The following TTC13 variants were observed in gnomAD, a reference collection of about 807,000 sequenced individuals.
The protein encoded by TTC13 is tetratricopeptide repeat domain 13.
TTC13 carries 62 observed loss-of-function variants against 120.0 expected under a neutral mutation model. That is an observed-to-expected ratio of 0.52 (90% CI 0.42 to 0.64). The LOEUF is 0.64. Ranked by LOEUF, TTC13 falls within the 30% of genes least tolerant of loss-of-function variation. TTC13 has a pLI of 0.00. For missense variants in TTC13, 824 were observed against 1,050.2 expected (o/e 0.78, Z 2.98); for synonymous variants, 384 against 393.5 (o/e 0.98, Z 0.28).
intron 20 of TTC13, among the ~76,000 whole-genome samples, chr1:230,909,743 T>G (rs576623148): frequency 1.3e-5 from 2 of 152,240 alleles, no homozygotes; most frequent in African/African-American, 2.4e-5. Context: ...GTTTGGAGAT[T>G]TGGGCATGTG....
chr1:230,953,817 C>A (rs1302502928), intron 4 of TTC13, among the ~76,000 whole-genome samples: 1 of 152,156 alleles, frequency 6.6e-6, no homozygotes, highest in Non-Finnish European at 1.5e-5. Context: ...GACTTTAGTG[C>A]AGCCACCAAT....
At chr1:230,957,836 TA>T (rs1241754934) in intron 3 of TTC13, among the ~76,000 whole-genome samples, 1 of 70,394 alleles carries the variant, frequency 1.4e-5, no homozygotes, top group Non-Finnish European at 3.2e-5. Context: ...TAAAATAACT[TA>T]AAGTTTAAGT....
At chr1:230,961,165 G>A in intron 2 of TTC13, 44 bp downstream of exon 2, 1 of 1,518,836 alleles carries the variant, frequency 6.6e-7, no homozygotes, top group South Asian at 1.2e-5. Context: ...TAGTATCACT[G>A]GGCTTCAGGT....
At chr1:230,941,777 G>C (rs948298570) in intron 6 of TTC13, among the ~76,000 whole-genome samples, 1 of 152,146 alleles carries the variant, frequency 6.6e-6, no homozygotes, top group Admixed American at 6.5e-5. Flanking sequence ...AAAGCACAGT[G>C]GGCTGGGGTT....
chr1:230,906,484 T>C lies in TTC13; in HGVS notation c.*421A>G, dbSNP rs937879781. On this transcript the variant is annotated 3_prime_UTR_variant, in exon 23 of 23. Coordinates refer to ENST00000366661, the MANE Select transcript of TTC13 (RefSeq NM_024525.5). ...GGAGGTTACGTGAGTCAACAAAAGA[T>C]GCTCTATCACAATGTGCGTAAAAAG... The C allele has an allele frequency of 6.6e-6, 1 of 152,506 alleles. No individual in the cohort carries two copies. Among genetic ancestry groups the C allele is most frequent in the Non-Finnish European group, 1.5e-5 (1 of 68,212 alleles). 9.4% of individuals were successfully genotyped at this position (152,506 alleles called of 1,614,324 possible). A position where few individuals can be genotyped will look rare whatever the true frequency, so the allele number is the denominator to read the frequency against.
Position 230,939,402 on chromosome 1 carries a change from T to C in TTC13, c.884A>G (p.His295Arg), listed in dbSNP as rs1300559420. 1 of 1,609,976 alleles carries C rather than the reference T, an allele frequency of 6.2e-7. No homozygotes were observed. The highest frequency in any genetic ancestry group is 1.3e-5 in the African/African-American group (1 of 74,872). The change falls in exon 8 of 23, where the codon CAC (histidine) becomes CGC (arginine). Residue 295 changes from histidine to arginine, a missense_variant. This residue lies in a region of TTC13 where 430 missense variants were observed against 626.8 expected (regional missense o/e 0.69). Coordinates refer to ENST00000366661, the MANE Select transcript of TTC13 (RefSeq NM_024525.5). ...AMLYKGLTFF[H>R]RGLLKEAIES... ...CACTTTCACCTTCAGAAGTCCTCTG[T>C]GAAAGAAAGTTAAACCTTTGTATAG...
In TTC13 at chr1:230,939,385, C is replaced by T. The variant is rs1674351515; in HGVS notation, c.900+1G>A. ...GGTACACATATGCACAACACTTTCA[C>T]CTTCAGAAGTCCTCTGTGAAAGAAA... is the stretch of plus-strand genomic sequence containing the variant. On this transcript the variant is annotated splice_donor_variant, in intron 8 of 22. Coordinates refer to ENST00000366661, the MANE Select transcript of TTC13 (RefSeq NM_024525.5). LOFTEE classifies it high-confidence loss of function. The T allele has an allele frequency of 6.3e-7, 1 of 1,598,456 alleles. No homozygotes were observed. Among genetic ancestry groups the T allele is most frequent in the Non-Finnish European group, 8.6e-7 (1 of 1,167,596 alleles).
In TTC13 at chr1:230,931,738, T is replaced by G. The variant is rs1321141255; in HGVS notation, c.1123A>C (p.Lys375Gln). 3 of 1,613,828 alleles carry G rather than the reference T, an allele frequency of 1.9e-6. No individual in the cohort carries two copies. Among genetic ancestry groups the G allele is most frequent in the Non-Finnish European group, 2.5e-6 (3 of 1,179,952 alleles). Residue 375 changes from lysine to glutamine, a missense_variant and splice_region_variant, in exon 10 of 23, where the codon AAG becomes CAG. By Grantham distance (53) the Lys-to-Gln change is moderately conservative. Transcript: ENST00000366661. The part of the protein sequence containing the change: ...GSLQEALKNF[K>Q]RCLQLEPYNE... ...TGTTCTTATTTATGGATGCTCACCT[T>G]AAAGTTCTTAAGGGCTTCCTGTAAG...
chr1:230,966,819 G>A (rs1677171912), intron 1 of TTC13, among the ~76,000 whole-genome samples: 1 of 152,172 alleles, frequency 6.6e-6, no homozygotes, highest in Non-Finnish European at 1.5e-5. Context: ...TGAGCCCGAG[G>A]AACCTGCAGT....
chr1:230,948,835 T>C (rs1415880836), intron 4 of TTC13, among the ~76,000 whole-genome samples: 1 of 152,042 alleles, frequency 6.6e-6, no homozygotes, highest in Non-Finnish European at 1.5e-5. Flanking sequence ...ATTCCCTACA[T>C]ACAAGATGCT....
At chr1:230,933,947 A>G in intron 8 of TTC13, 86 bp from the exon 9 acceptor site, 1 of 766,352 alleles carries the variant, frequency 1.3e-6, no homozygotes, top group East Asian at 2.9e-5. Context: ...TTAAATATAT[A>G]TCCTAGTCTC....
At chr1:230,949,404 T>A (rs1232690688) in intron 4 of TTC13, among the ~76,000 whole-genome samples, 8 of 48,208 alleles carry the variant, frequency 1.7e-4, no homozygotes, top group Admixed American at 2.6e-4. Context: ...AATTTTAAAT[T>A]AAAAAAAAAA....
At chr1:230,915,443 G>A (rs1671923784) in intron 18 of TTC13, among the ~76,000 whole-genome samples, 1 of 152,140 alleles carries the variant, frequency 6.6e-6, no homozygotes, top group African/African-American at 2.4e-5. Flanking sequence ...TTGGATTTCA[G>A]ATGTAAATAA....
At position 230,924,858 on chromosome 1, in the gene TTC13, A is replaced by C. The variant is rs1672914020; in HGVS notation, c.1704T>G (p.Ile568Met). 1 of 1,614,074 alleles carries C rather than the reference A, an allele frequency of 6.2e-7. No individual in the cohort carries two copies. The highest frequency in any genetic ancestry group is 1.1e-5 in the South Asian group (1 of 91,090). Reference sequence around the variant, plus strand: ...TTAGTTACCTTCTCCATTTAACTGCAATGTCAAACATGTCTCTCCACTGCA... The same window carrying C: ...TTAGTTACCTTCTCCATTTAACTGCCATGTCAAACATGTCTCTCCACTGCA... Reference protein sequence around the residue: ...RLMQWRDMFDIAVKWRRIADP... With the variant: ...RLMQWRDMFDMAVKWRRIADP... The change falls in exon 14 of 23, where the codon ATT (isoleucine) becomes ATG (methionine). Residue 568 changes from isoleucine (I) to methionine (M), a missense_variant. Physicochemically the swap from Ile to Met is conservative, Grantham distance 10. Transcript: ENST00000366661.
intron 3 of TTC13, among the ~76,000 whole-genome samples, chr1:230,955,333 AC>A (rs1675951083): frequency 6.6e-6 from 1 of 152,158 alleles, no homozygotes; most frequent in Non-Finnish European, 1.5e-5. Flanking sequence ...GAAAACTTTT[AC>A]TGTCATTAAG....
chr1:230,971,202 C>T (rs1055767754), intron 1 of TTC13, among the ~76,000 whole-genome samples: 15 of 151,856 alleles, frequency 9.9e-5, no homozygotes, highest in Middle Eastern at 3.4e-3. Context: ...AAAAATTAGC[C>T]GGGCGTGGTG....
chr1:230,970,076 A>G (rs1386647820), intron 1 of TTC13, among the ~76,000 whole-genome samples: 2 of 152,238 alleles, frequency 1.3e-5, no homozygotes, highest in East Asian at 1.9e-4. Flanking sequence ...TAAGGTCACA[A>G]AACAAAGACA....
In TTC13 at chr1:230,906,854, C is replaced by T. The variant is rs191694725; in HGVS notation, c.*51G>A. 2.3e-6 allele frequency: 2 copies of T among 863,734 alleles called. No homozygotes were observed. Among genetic ancestry groups the T allele is most frequent in the Admixed American group, 6.0e-5 (2 of 33,268 alleles). 53.5% of individuals were successfully genotyped at this position (863,734 alleles called of 1,614,324 possible). On this transcript the variant is annotated 3_prime_UTR_variant, in exon 23 of 23. Coordinates refer to ENST00000366661, the MANE Select transcript of TTC13 (RefSeq NM_024525.5). ...TATAATTCCATGTTTTAAAAAATAACTTAAGAAGCAAGAGGTCCGGCCCTT... is the reference window on the plus strand; with the variant it reads ...TATAATTCCATGTTTTAAAAAATAATTTAAGAAGCAAGAGGTCCGGCCCTT...
rs1201546605 is a variant in TTC13, at chr1:230,943,893, A to C, written c.585T>G (p.Ile195Met). The change falls in exon 6 of 23, where the codon ATT becomes ATG. Residue 195 changes from isoleucine (I) to methionine (M), a missense_variant. This residue lies in a region of TTC13 where 430 missense variants were observed against 626.8 expected (regional missense o/e 0.69). Coordinates refer to ENST00000366661, the MANE Select transcript of TTC13 (RefSeq NM_024525.5). ...IAYGKKGLHD[I>M]KNAELALFEL... ...CGAACAGAGCAAGCTCAGCATTCTT[A>C]ATGTCCTTGAAAAGGCATTAGCTTA... 1 of 1,607,304 alleles carries C rather than the reference A, an allele frequency of 6.2e-7. No individual in the cohort carries two copies. Among genetic ancestry groups the C allele is most frequent in the African/African-American group, 1.3e-5 (1 of 74,740 alleles).
Sources: allele counts gnomAD v4.1 joint callset (sites outside exome capture counted in the v4.1 genomes callset), GRCh38; gene constraint gnomAD v4.1.1; regional missense constraint gnomAD v4.1.1; transcripts MANE v1.5; gene names NCBI Gene and HGNC (gene_info 2026-07-23, HGNC 2026-07-21).